VPS53: variants seen among roughly 807,000 people sequenced by gnomAD.
VPS53 encodes the protein vacuolar protein sorting-associated protein 53 homolog.
A neutral mutation model predicts 107.0 loss-of-function variants in VPS53; 70 were observed. That is an observed-to-expected ratio of 0.65 (90% CI 0.54 to 0.80). The LOEUF (loss-of-function observed/expected upper bound fraction) is 0.80, where lower values mean the gene tolerates loss of function less well. Among genes scored for constraint, VPS53 ranks in the 30% least tolerant of loss-of-function variants. The probability of loss-of-function intolerance (pLI) is 0.00; values close to 1 mark genes in which losing one functional copy is unlikely to be tolerated. For missense variants in VPS53, 917 were observed against 1,049.4 expected (o/e 0.87, Z 1.74); for synonymous variants, 409 against 393.3 (o/e 1.04, Z -0.47).
At chr17:631,698 G>A in intron 7 of VPS53, 70 bp from the exon 8 acceptor site, 6 of 1,445,914 alleles carry the variant, frequency 4.1e-6, no homozygotes, top group South Asian at 2.3e-5. Flanking sequence ...GATCCACAGG[G>A]TCGGAAGGGC....
At chr17:699,763 A>C (rs1358188178) in intron 2 of VPS53, among the ~76,000 whole-genome samples, 1 of 152,214 alleles carries the variant, frequency 6.6e-6, no homozygotes, top group Non-Finnish European at 1.5e-5. Context: ...GATTGTGACA[A>C]ATTCACGTAA....
At chr17:652,681 G>T (rs1971002201) in intron 7 of VPS53, among the ~76,000 whole-genome samples, 1 of 152,234 alleles carries the variant, frequency 6.6e-6, no homozygotes, top group Non-Finnish European at 1.5e-5. Flanking sequence ...ACGGAGCAGG[G>T]ATGAGCTGGT....
Position 562,487 on chromosome 17 carries a change from G to C in VPS53, c.1556+16C>G, listed in dbSNP as rs1472181650. On this transcript the variant is annotated intron_variant, in intron 14 of 21. Transcript: ENST00000437048. Reference sequence around the variant, plus strand: ...GTCTATTTGCCACCACTCAGACTATGAAGAACAGGACTCACTTGGGCAGGT... The same window carrying C: ...GTCTATTTGCCACCACTCAGACTATCAAGAACAGGACTCACTTGGGCAGGT... 6.2e-7 allele frequency: 1 copy of C among 1,613,352 alleles called. No homozygotes were observed. The highest frequency in any genetic ancestry group is 8.5e-7 in the Non-Finnish European group (1 of 1,179,608).
In VPS53 at chr17:707,468, C is replaced by A. The variant is rs143278371; in HGVS notation, c.168+3065G>T. 2.2e-3 allele frequency among the ~76,000 whole-genome samples: 328 copies of A among 150,132 alleles called. 8 individuals are homozygous for A. The East Asian group carries it at 0.054, about 25-fold the overall frequency. On this transcript the variant is annotated intron_variant, in intron 2 of 21. Transcript: ENST00000437048. ...CCAGGAGGCAGAGGTTGCAGTGAGC[C>A]GAGATCATGCCATTGCACTCCAGCC...
At chr17:647,489 T>C (rs1007167890) in intron 7 of VPS53, among the ~76,000 whole-genome samples, 3 of 152,244 alleles carry the variant, frequency 2.0e-5, no homozygotes, top group African/African-American at 7.2e-5. Flanking sequence ...AGATCAACTC[T>C]GAATCATCCT....
chr17:556,849 T>C (rs897532984), intron 15 of VPS53, among the ~76,000 whole-genome samples: 2 of 59,488 alleles, frequency 3.4e-5, no homozygotes, highest in Non-Finnish European at 3.6e-5. Context: ...AGGAAATAAA[T>C]TTGGCAGTGC....
At position 627,221 on chromosome 17, in the gene VPS53, C is replaced by T; in HGVS notation, c.927G>A (p.Glu309=). 6.2e-7 allele frequency: 1 copy of T among 1,614,136 alleles called. No homozygotes were observed. The highest frequency in any genetic ancestry group is 8.5e-7 in the Non-Finnish European group (1 of 1,180,024). Residue 309 remains glutamate, a synonymous_variant, in exon 10 of 22, where the codon GAG becomes GAA. Coordinates refer to ENST00000437048, the MANE Select transcript of VPS53 (RefSeq NM_001128159.3). ...EEKYGRMFPR[E]WCMAERIAVE... ...CCGCAATCCTCTCAGCCATGCACCA[C>T]TCACGTGGAAACATGCGGCCGTATT...
intron 17 of VPS53, among the ~76,000 whole-genome samples, chr17:541,789 C>A (rs78248929): frequency 9.6e-6 from 1 of 104,122 alleles, no homozygotes; most frequent in Non-Finnish European, 1.9e-5. Flanking sequence ...GCTGAAGGAA[C>A]GTTTATCAAG....
intron 7 of VPS53, among the ~76,000 whole-genome samples, chr17:643,719 A>G (rs1233321317): frequency 6.6e-6 from 1 of 152,032 alleles, no homozygotes; most frequent in Non-Finnish European, 1.5e-5. Flanking sequence ...CAACACTCAT[A>G]CTTGGAAAGT....
chr17:629,463 A>C (rs1449882640), intron 8 of VPS53, among the ~76,000 whole-genome samples: 1 of 152,218 alleles, frequency 6.6e-6, no homozygotes, highest in East Asian at 1.9e-4. Context: ...CATAGTCTTT[A>C]AAAAGAAAAC....
intron 4 of VPS53, among the ~76,000 whole-genome samples, chr17:694,895 G>A (rs1411768735): frequency 1.3e-5 from 2 of 152,072 alleles, no homozygotes; most frequent in African/African-American, 2.4e-5. Flanking sequence ...TCGTAGAGAC[G>A]TGTATTGCTA....
rs1908549626 is a variant in VPS53 at position 519,392 on chromosome 17, C to G, written c.2329-94G>C. On this transcript the variant is annotated intron_variant, in intron 21 of 21. Coordinates refer to ENST00000437048, the MANE Select transcript of VPS53 (RefSeq NM_001128159.3). The surrounding 1 kb of genome is among the most constrained non-coding windows in gnomAD (Gnocchi z 5.0). ...TATCTGGATATGGGGTCAGCAGAGGCTCTGGAGACAGCATAGTTACTCCAG... is the reference window on the plus strand; with the variant it reads ...TATCTGGATATGGGGTCAGCAGAGGGTCTGGAGACAGCATAGTTACTCCAG... 1 of 1,269,996 alleles carries G rather than the reference C, an allele frequency of 7.9e-7. No homozygotes were observed. The highest frequency in any genetic ancestry group is 1.0e-6 in the Non-Finnish European group (1 of 957,972). 78.7% of individuals were successfully genotyped at this position (1,269,996 alleles called of 1,614,324 possible). A position where few individuals can be genotyped will look rare whatever the true frequency, so the allele number is the denominator to read the frequency against.
At chr17:682,872 G>C (rs956908569) in intron 4 of VPS53, among the ~76,000 whole-genome samples, 1 of 152,120 alleles carries the variant, frequency 6.6e-6, no homozygotes, top group South Asian at 2.1e-4. Flanking sequence ...ACAGAGGAGG[G>C]GATTTTAAAA....
At position 519,648 on chromosome 17, in the gene VPS53, A is replaced by C. The variant is rs1306918396; in HGVS notation, c.2328+178T>G. 6.6e-6 allele frequency among the ~76,000 whole-genome samples: 1 copy of C among 152,144 alleles called. No homozygotes were observed. The highest frequency in any genetic ancestry group is 1.5e-5 in the Non-Finnish European group (1 of 68,034). On this transcript the variant is annotated intron_variant, in intron 21 of 21. Transcript: ENST00000437048. This position sits in a 1 kb window ranked among gnomAD's most constrained non-coding sequence, Gnocchi z 5.0. ...GCATGCAGGGCCTGTCAGAATCCTGAAGTGCACGTGCCCGGGGCCATCCTC... is the reference window on the plus strand; with the variant it reads ...GCATGCAGGGCCTGTCAGAATCCTGCAGTGCACGTGCCCGGGGCCATCCTC...
chr17:534,898 A>G (rs1374302853), intron 18 of VPS53, among the ~76,000 whole-genome samples: 1 of 150,402 alleles, frequency 6.6e-6, no homozygotes, highest in Non-Finnish European at 1.5e-5. Flanking sequence ...AGCCTGGGTA[A>G]CAGAGTGGGA....
intron 11 of VPS53, among the ~76,000 whole-genome samples, chr17:617,230 C>T (rs1035897974): frequency 2.4e-4 from 36 of 152,248 alleles, no homozygotes; most frequent in African/African-American, 7.9e-4. Context: ...GGCAGATCTC[C>T]GTAGGGCTGA....
chr17:623,565 A>C lies in VPS53; in HGVS notation c.1084T>G (p.Phe362Val). 6.2e-7 allele frequency: 1 copy of C among 1,613,858 alleles called. No homozygotes were observed. Among genetic ancestry groups the C allele is most frequent in the Non-Finnish European group, 8.5e-7 (1 of 1,179,778 alleles). The change falls in exon 11 of 22, where the codon TTC becomes GTC. Residue 362 changes from phenylalanine to valine, a missense_variant. Physicochemically the swap from Phe to Val is conservative, Grantham distance 50. Transcript: ENST00000437048. Reference sequence around the variant, plus strand: ...CCATCGGTCAGGGTGCAGCCGGAGAAGCGTTTTGCAAGAAACCCCTCAAAG... The same window carrying C: ...CCATCGGTCAGGGTGCAGCCGGAGACGCGTTTTGCAAGAAACCCCTCAAAG... ...TNFEGFLAKRFSGCTLTDGTL... is the reference protein window; with the variant it reads ...TNFEGFLAKRVSGCTLTDGTL...
chr17:574,790 G>A (rs1462474483), intron 13 of VPS53, among the ~76,000 whole-genome samples: 1 of 152,120 alleles, frequency 6.6e-6, no homozygotes, highest in East Asian at 1.9e-4. Flanking sequence ...AATAAACCCT[G>A]GACCCAGTAA....
chr17:632,761 G>C, intron 7 of VPS53: 1 of 456,324 alleles, frequency 2.2e-6, no homozygotes, highest in Non-Finnish European at 4.4e-6. Flanking sequence ...AGAACATGAG[G>C]AATCTGTCTT....
Sources: allele counts gnomAD v4.1 joint callset (sites outside exome capture counted in the v4.1 genomes callset), GRCh38; gene constraint gnomAD v4.1.1; non-coding constraint Gnocchi (gnomAD v3.1); transcripts MANE v1.5; gene names NCBI Gene and HGNC (gene_info 2026-07-23, HGNC 2026-07-21).